The following DPP9 variants were observed in gnomAD, a reference collection of about 807,000 sequenced individuals.
DPP9 encodes dipeptidyl peptidase IV-related protein-2.
Under a neutral mutation model 110.7 loss-of-function variants are expected in DPP9, and 50 were observed. The ratio of observed to expected loss-of-function variants is 0.45; its 90% CI spans 0.36 to 0.57. The LOEUF (loss-of-function observed/expected upper bound fraction) is 0.57, where lower values mean the gene tolerates loss of function less well. DPP9 is among the 20% of genes least tolerant of loss of function. DPP9 has a pLI of 0.00. For synonymous variants in DPP9, 561 were observed against 514.4 expected (o/e 1.09, Z -1.23); for missense variants, 1,022 against 1,217.9 (o/e 0.84, Z 2.39).
Position 4,695,187 on chromosome 19 carries a change from T to C in DPP9, c.1353+191A>G. On this transcript the variant is annotated intron_variant, in intron 12 of 21. Transcript: ENST00000262960. The surrounding 1 kb of genome is among the most constrained non-coding windows in gnomAD (Gnocchi z 4.7). Reference sequence around the variant, plus strand: ...AAATAGATGAGGGGAGAGGCTCCAATGGCTGCCAGACTCACCAACCCCCCT... The same window carrying C: ...AAATAGATGAGGGGAGAGGCTCCAACGGCTGCCAGACTCACCAACCCCCCT... 1 of 607,778 alleles carries C rather than the reference T, an allele frequency of 1.6e-6. No individual in the cohort carries two copies. The highest frequency in any genetic ancestry group is 2.8e-6 in the Non-Finnish European group (1 of 357,996). 37.6% of individuals were successfully genotyped at this position (607,778 alleles called of 1,614,324 possible).
At position 4,682,069 on chromosome 19, in the gene DPP9, C is replaced by CA. The variant is rs2089983449; in HGVS notation, c.2474+626dup. Reference sequence around the variant, plus strand: ...TTCATCTTGTTAGCCAGGATGGTCTCAATCTCCTGACCTCACGATCCGCCC... The same window carrying CA: ...TTCATCTTGTTAGCCAGGATGGTCTCAAATCTCCTGACCTCACGATCCGCCC... On this transcript the variant is annotated intron_variant, in intron 20 of 21. Transcript: ENST00000262960. The surrounding 1 kb of genome is among the most constrained non-coding windows in gnomAD (Gnocchi z 7.1). 6.6e-6 allele frequency among the ~76,000 whole-genome samples: 1 copy of CA among 151,910 alleles called. No homozygotes were observed. The highest frequency in any genetic ancestry group is 1.5e-5 in the Non-Finnish European group (1 of 67,984).
intron 21 of DPP9, among the ~76,000 whole-genome samples, chr19:4,679,075 C>G (rs1332805020): frequency 2.6e-5 from 4 of 151,362 alleles, no homozygotes; most frequent in Admixed American, 2.6e-4. Context: ...GAGGGCCCCC[C>G]CTCCTCTACA....
At chr19:4,708,927 T>A (rs1245280126) in intron 4 of DPP9, among the ~76,000 whole-genome samples, 1 of 152,174 alleles carries the variant, frequency 6.6e-6, no homozygotes, top group African/African-American at 2.4e-5. Context: ...CCTAAAAGTT[T>A]GTTTTCTTGA....
intron 3 of DPP9, among the ~76,000 whole-genome samples, chr19:4,716,910 C>T (rs963327979): frequency 4.6e-5 from 7 of 152,152 alleles, no homozygotes; most frequent in African/African-American, 7.2e-5. Context: ...CTGCCCGTGC[C>T]GTGCTCTGCG....
chr19:4,698,021 C>T lies in DPP9; in HGVS notation c.1075-370G>A, dbSNP rs987072471. ...GGTGTTGGACATTATCAATTTCGGC[C>T]GTGTAAGCCTCCCAGTCTGTGGTCC... is the stretch of plus-strand genomic sequence containing the variant. On this transcript the variant is annotated intron_variant, in intron 10 of 21. Coordinates refer to ENST00000262960, the MANE Select transcript of DPP9 (RefSeq NM_139159.5). This position sits in a 1 kb window ranked among gnomAD's most constrained non-coding sequence, Gnocchi z 4.2. Among the ~76,000 whole-genome samples the T allele has an allele frequency of 5.9e-5, 9 of 151,560 alleles. No homozygotes were observed. Among genetic ancestry groups the T allele is most frequent in the African/African-American group, 1.5e-4 (6 of 41,372 alleles).
chr19:4,706,314 T>C (rs1275798367), intron 4 of DPP9, among the ~76,000 whole-genome samples: 7 of 116,720 alleles, frequency 6.0e-5, no homozygotes, highest in Admixed American at 4.7e-4. Flanking sequence ...CTGGGCAACA[T>C]AGCAAGGCCC....
At chr19:4,688,650 G>T in intron 16 of DPP9, 107 bp downstream of exon 16, 1 of 1,305,498 alleles carries the variant, frequency 7.7e-7, no homozygotes, top group Non-Finnish European at 9.8e-7. Flanking sequence ...TGGGAGGCCA[G>T]GCAGGCCAGC....
At position 4,698,632 on chromosome 19, in the gene DPP9, C is replaced by G. The variant is rs1006768693; in HGVS notation, c.1075-981G>C. Reference sequence around the variant, plus strand: ...GGTGTGGTGGTGCATGCCTGTAGTCCCAGCTACTCAAGAGGCTGAGGCAAG... The same window carrying G: ...GGTGTGGTGGTGCATGCCTGTAGTCGCAGCTACTCAAGAGGCTGAGGCAAG... On this transcript the variant is annotated intron_variant, in intron 10 of 21. Transcript: ENST00000262960. The surrounding 1 kb of genome is among the most constrained non-coding windows in gnomAD (Gnocchi z 4.2). Among the ~76,000 whole-genome samples, 1 of 152,124 alleles carries G rather than the reference C, an allele frequency of 6.6e-6. No homozygotes were observed. Among genetic ancestry groups the G allele is most frequent in the Admixed American group, 6.6e-5 (1 of 15,264 alleles).
rs2091606548 is a variant in DPP9 at position 4,694,402 on chromosome 19, GGC to G, written c.1516+257_1516+258del. ...CGGATTTGACCTGTGGGCCGTAGGT[GGC>G]CAACCCCTGGTTGTGCTAAGGGCCT... On this transcript the variant is annotated intron_variant, in intron 13 of 21. Coordinates refer to ENST00000262960, the MANE Select transcript of DPP9 (RefSeq NM_139159.5). This position sits in a 1 kb window ranked among gnomAD's most constrained non-coding sequence, Gnocchi z 4.0. The G allele has an allele frequency of 5.6e-6, 3 of 539,494 alleles. No individual in the cohort carries two copies. The highest frequency in any genetic ancestry group is 1.9e-5 in the African/African-American group (1 of 52,334). 33.4% of individuals were successfully genotyped at this position (539,494 alleles called of 1,614,324 possible).
Position 4,676,624 on chromosome 19 carries a change from G to A in DPP9, c.2619C>T (p.Cys873=). The A allele has an allele frequency of 6.2e-7, 1 of 1,608,772 alleles. No individual in the cohort carries two copies. The change falls in exon 22 of 22, where the codon TGC becomes TGT. Residue 873 remains cysteine (C), a synonymous_variant. Coordinates refer to ENST00000262960, the MANE Select transcript of DPP9 (RefSeq NM_139159.5). The surrounding 1 kb of genome is among the most constrained non-coding windows in gnomAD (Gnocchi z 4.0). ...CTTCATAGTGCTCGCCCGACTCGGGGCAGCGAATACTGTGTCTCTCGTTGG... is the reference window on the plus strand; with the variant it reads ...CTTCATAGTGCTCGCCCGACTCGGGACAGCGAATACTGTGTCTCTCGTTGG... The part of the protein sequence containing the change: ...IYPNERHSIR[C]PESGEHYEVT...
rs1466347793 is a variant in DPP9 at position 4,689,472 on chromosome 19, A to G, written c.1749+98T>C. 1.4e-6 allele frequency: 2 copies of G among 1,422,620 alleles called. No individual in the cohort carries two copies. Among genetic ancestry groups the G allele is most frequent in the Non-Finnish European group, 9.3e-7 (1 of 1,069,948 alleles). 88.1% of individuals were successfully genotyped at this position (1,422,620 alleles called of 1,614,324 possible). A position where few individuals can be genotyped will look rare whatever the true frequency, so the allele number is the denominator to read the frequency against. On this transcript the variant is annotated intron_variant, in intron 15 of 21. Transcript: ENST00000262960. This position sits in a 1 kb window ranked among gnomAD's most constrained non-coding sequence, Gnocchi z 7.0. ...GCAGCTATGAGAATGCGAGACCATG[A>G]GAATGACCCTGAGTGCTGTGCCGGG...
chr19:4,722,496 G>A lies in DPP9; in HGVS notation c.-36+3C>T. ...CTGGCTGCCAAACCCCAGCACAACT[G>A]ACCTTCTAAAGGGTCCAGAGAGCCT... On this transcript the variant is annotated splice_donor_region_variant and intron_variant, in intron 2 of 21. Transcript: ENST00000262960. The A allele has an allele frequency of 4.3e-6, 3 of 703,010 alleles. No homozygotes were observed. The highest frequency in any genetic ancestry group is 7.8e-6 in the Non-Finnish European group (3 of 384,988). The allele number at this position is 703,010 out of a possible 1,614,324, so 43.5% of individuals were successfully genotyped here. A position where few individuals can be genotyped will look rare whatever the true frequency, so the allele number is the denominator to read the frequency against.
intron 18 of DPP9, 198 bp from the exon 19 acceptor site, chr19:4,683,827 C>T: frequency 1.3e-6 from 2 of 1,533,756 alleles, no homozygotes; most frequent in Non-Finnish European, 1.7e-6. Flanking sequence ...CCATCTTGCT[C>T]TGCCACCTCC....
chr19:4,686,311 G>A lies in DPP9; in HGVS notation c.1886-540C>T, dbSNP rs552590479. Among the ~76,000 whole-genome samples the A allele has an allele frequency of 1.5e-3, 215 of 146,476 alleles. 1 individual carries two copies. Among genetic ancestry groups the A allele is most frequent in the Non-Finnish European group, 1.9e-4 (13 of 67,336 alleles). ...TCACCATGTTGGCCAAACTTGTCTC[G>A]AACTGTATTTTTTTTTTTTTTTTTT... On this transcript the variant is annotated intron_variant, in intron 16 of 21. Coordinates refer to ENST00000262960, the MANE Select transcript of DPP9 (RefSeq NM_139159.5).
intron 18 of DPP9, 93 bp from the exon 19 acceptor site, chr19:4,683,722 C>T (rs2090262210): frequency 1.2e-6 from 2 of 1,611,058 alleles, no homozygotes; most frequent in Non-Finnish European, 1.7e-6. Context: ...GCGTCTCTCC[C>T]TCTTGGATGA....
Position 4,698,193 on chromosome 19 carries a change from C to G in DPP9, c.1075-542G>C, listed in dbSNP as rs529979079. ...AGGTGGCTCTGGGCAAGCACAGTCC[C>G]CGGACCCAGGGCTTCCCCATGCTTA... is the stretch of plus-strand genomic sequence containing the variant. On this transcript the variant is annotated intron_variant, in intron 10 of 21. Transcript: ENST00000262960. The surrounding 1 kb of genome is among the most constrained non-coding windows in gnomAD (Gnocchi z 4.2). Among the ~76,000 whole-genome samples the G allele has an allele frequency of 6.6e-6, 1 of 152,310 alleles. No homozygotes were observed. Among genetic ancestry groups the G allele is most frequent in the Admixed American group, 6.5e-5 (1 of 15,302 alleles).
chr19:4,685,727 T>C lies in DPP9; in HGVS notation c.1930A>G (p.Thr644Ala), dbSNP rs2090603177. Residue 644 changes from threonine (T) to alanine (A), a missense_variant, in exon 17 of 22, where the codon ACG (threonine) becomes GCG (alanine). By Grantham distance (58) the Thr-to-Ala change is moderately conservative. Coordinates refer to ENST00000262960, the MANE Select transcript of DPP9 (RefSeq NM_139159.5). This position sits in a 1 kb window ranked among gnomAD's most constrained non-coding sequence, Gnocchi z 5.8. ...YVPPEIFHFHTRSDVRLYGMI... is the reference protein window; with the variant it reads ...YVPPEIFHFHARSDVRLYGMI... ...CCGTAGAGCCGCACATCCGAGCGCG[T>C]GTGGAAATGGAAGATCTCTGGAGGA... 1 of 1,613,138 alleles carries C rather than the reference T, an allele frequency of 6.2e-7. No individual in the cohort carries two copies. Among genetic ancestry groups the C allele is most frequent in the African/African-American group, 1.3e-5 (1 of 74,750 alleles).
intron 21 of DPP9, among the ~76,000 whole-genome samples, chr19:4,677,393 G>C (rs1012507499): frequency 1.3e-5 from 2 of 152,128 alleles, no homozygotes; most frequent in African/African-American, 2.4e-5. Flanking sequence ...GGGGCTGGCC[G>C]GCAGCAGGGG....
At chr19:4,686,245 C>A (rs574970423) in intron 16 of DPP9, among the ~76,000 whole-genome samples, 4 of 151,848 alleles carry the variant, frequency 2.6e-5, no homozygotes, top group Non-Finnish European at 5.9e-5. Flanking sequence ...CACGGCACCA[C>A]GCCCGGCTAA....
Sources: allele counts gnomAD v4.1 joint callset (sites outside exome capture counted in the v4.1 genomes callset), GRCh38; gene constraint gnomAD v4.1.1; non-coding constraint Gnocchi (gnomAD v3.1); transcripts MANE v1.5; gene names NCBI Gene and HGNC (gene_info 2026-07-23, HGNC 2026-07-21).